FHIT: variants seen among roughly 807,000 people sequenced by gnomAD.
FHIT encodes fragile histidine triad diadenosine triphosphatase, also known as bis(5'-adenosyl)-triphosphatase.
FHIT carries 19 observed loss-of-function variants against 17.9 expected under a neutral mutation model. The observed-to-expected ratio is 1.06, with a 90% confidence interval of 0.74 to 1.56. FHIT has a LOEUF of 1.56. Ranked by LOEUF, FHIT falls within the 40% of genes most tolerant of loss-of-function variation. The pLI is 0.00. For synonymous variants in FHIT, 81 were observed against 69.7 expected, an observed-to-expected ratio of 1.16 and a Z score of -0.81; for missense variants, 248 against 189.2, an observed-to-expected ratio of 1.31 and a Z score of -1.82.
chr3:60,737,195 A>G (rs2042151653), intron 4 of FHIT, among the ~76,000 whole-genome samples: 2 of 152,330 alleles, frequency 1.3e-5, no homozygotes, highest in South Asian at 4.1e-4. Context: ...CCCATGAAAC[A>G]TTCAGAGCCT....
At chr3:61,034,883 C>T (rs1290224453) in intron 3 of FHIT, among the ~76,000 whole-genome samples, 7 of 152,146 alleles carry the variant, frequency 4.6e-5, no homozygotes, top group Non-Finnish European at 7.4e-5. Flanking sequence ...AAACAGCCCA[C>T]TTGTCCATCA....
At chr3:60,750,103 T>A (rs2108029154) in intron 4 of FHIT, among the ~76,000 whole-genome samples, 1 of 152,154 alleles carries the variant, frequency 6.6e-6, no homozygotes, top group Middle Eastern at 3.4e-3. Flanking sequence ...TCAGGGACCA[T>A]CTGACTCATG....
intron 7 of FHIT, among the ~76,000 whole-genome samples, chr3:59,957,977 G>A (rs761736086): frequency 3.3e-5 from 5 of 152,304 alleles, no homozygotes; most frequent in East Asian, 1.9e-4. Context: ...CCTTGAACAC[G>A]TTTGAATGTG....
intron 5 of FHIT, among the ~76,000 whole-genome samples, chr3:60,196,574 A>C (rs1702649817): frequency 6.6e-6 from 1 of 152,190 alleles, no homozygotes; most frequent in South Asian, 2.1e-4. Flanking sequence ...GTTGGGGATT[A>C]GAATTAATAC....
chr3:60,564,336 T>A (rs183639154), intron 4 of FHIT, among the ~76,000 whole-genome samples: 6 of 152,302 alleles, frequency 3.9e-5, no homozygotes, highest in African/African-American at 1.4e-4. Context: ...CTGATAGAGA[T>A]GTACAAGGAG....
At chr3:60,508,444 G>T (rs1344752573) in intron 5 of FHIT, among the ~76,000 whole-genome samples, 2 of 152,072 alleles carry the variant, frequency 1.3e-5, no homozygotes, top group Non-Finnish European at 2.9e-5. Flanking sequence ...ACAGTTACAG[G>T]TGGAAACTGT....
intron 5 of FHIT, among the ~76,000 whole-genome samples, chr3:60,294,907 GTTCA>G (rs1160658999): frequency 6.6e-6 from 1 of 152,202 alleles, no homozygotes; most frequent in African/African-American, 2.4e-5. Flanking sequence ...ATGTACCACA[GTTCA>G]TTTAACTATT....
chr3:60,706,626 T>C (rs1295544988), intron 4 of FHIT, among the ~76,000 whole-genome samples: 2 of 152,144 alleles, frequency 1.3e-5, no homozygotes, highest in Non-Finnish European at 2.9e-5. Context: ...CGAAACACCA[T>C]GTCTGACACA....
chr3:60,557,275 C>T (rs1379333033), intron 4 of FHIT, among the ~76,000 whole-genome samples: 1 of 152,126 alleles, frequency 6.6e-6, no homozygotes, highest in Non-Finnish European at 1.5e-5. Flanking sequence ...CTGGTCTCCT[C>T]CCCACCTCCA....
chr3:61,058,793 T>A (rs1434376804), intron 2 of FHIT, among the ~76,000 whole-genome samples: 1 of 152,208 alleles, frequency 6.6e-6, no homozygotes, highest in East Asian at 1.9e-4. Context: ...AGAAAGAGCA[T>A]AACCCAACAA....
chr3:60,714,199 T>C (rs1246123956), intron 4 of FHIT, among the ~76,000 whole-genome samples: 6 of 152,140 alleles, frequency 3.9e-5, no homozygotes, highest in African/African-American at 4.8e-5. Context: ...ATTATCTCAA[T>C]AGATGCAGAA....
intron 2 of FHIT, among the ~76,000 whole-genome samples, chr3:61,132,977 A>C (rs1462534910): frequency 6.6e-6 from 1 of 152,248 alleles, no homozygotes; most frequent in Non-Finnish European, 1.5e-5. Context: ...TGAGAACAGA[A>C]TATAGAAAAC....
At chr3:59,936,764 A>C (rs548629124) in intron 7 of FHIT, among the ~76,000 whole-genome samples, 7 of 152,170 alleles carry the variant, frequency 4.6e-5, no homozygotes, top group Non-Finnish European at 1.0e-4. Context: ...CTCCAGAGAC[A>C]GTAACATAGT....
intron 5 of FHIT, among the ~76,000 whole-genome samples, chr3:60,282,919 CA>C (rs1707530212): frequency 6.6e-6 from 1 of 152,032 alleles, no homozygotes; most frequent in African/African-American, 2.4e-5. Context: ...TTCAGGAATA[CA>C]GAGCCCCAAG....
intron 5 of FHIT, among the ~76,000 whole-genome samples, chr3:60,044,726 G>A (rs1037724139): frequency 6.6e-6 from 1 of 152,066 alleles, no homozygotes; most frequent in Non-Finnish European, 1.5e-5. Context: ...TCATTCCACT[G>A]TTACAAGCTT....
At chr3:60,563,320 G>A (rs1394705522) in intron 4 of FHIT, among the ~76,000 whole-genome samples, 1 of 152,178 alleles carries the variant, frequency 6.6e-6, no homozygotes, top group African/African-American at 2.4e-5. Flanking sequence ...GAACCAGTCA[G>A]TGCAGGCATA....
chr3:60,204,463 G>C (rs28522697), intron 5 of FHIT, among the ~76,000 whole-genome samples: 1 of 140,932 alleles, frequency 7.1e-6, no homozygotes, highest in Non-Finnish European at 1.6e-5. Context: ...TTTTTGTTTT[G>C]TTTTTTTAGT....
At chr3:60,464,846 C>T (rs1239586729) in intron 5 of FHIT, among the ~76,000 whole-genome samples, 1 of 152,086 alleles carries the variant, frequency 6.6e-6, no homozygotes, top group East Asian at 1.9e-4. Flanking sequence ...CTCTTCAATA[C>T]ACTGATTTCC....
intron 5 of FHIT, among the ~76,000 whole-genome samples, chr3:60,310,138 G>C (rs1708875130): frequency 6.6e-6 from 1 of 152,104 alleles, no homozygotes; most frequent in Non-Finnish European, 1.5e-5. Flanking sequence ...CGTGGGAAAG[G>C]CAAGTCAAAG....
Sources: gnomAD v4.1 joint callset for allele counts (sites outside exome capture counted in the v4.1 genomes callset) on GRCh38, gnomAD v4.1.1 for gene constraint, MANE v1.5 for transcripts, NCBI Gene and HGNC (gene_info 2026-07-23, HGNC 2026-07-21) for gene names.